The following ASTN2 variants were observed in gnomAD, a reference collection of about 807,000 sequenced individuals.
The protein encoded by ASTN2 is astrotactin 2.
In ASTN2, 54 loss-of-function variants were observed where a neutral mutation model predicts 139.8. The observed-to-expected ratio is 0.39, with a 90% CI of 0.31 to 0.48. The LOEUF (loss-of-function observed/expected upper bound fraction) is 0.48. ASTN2 is among the 20% of genes least tolerant of loss of function. ASTN2 has a pLI of 0.95. For synonymous variants in ASTN2, 756 were observed against 719.5 expected (o/e 1.05, Z -0.81); for missense variants, 1,565 against 1,725.1 (o/e 0.91, Z 1.64).
intron 20 of ASTN2, among the ~76,000 whole-genome samples, chr9:116,450,592 T>C (rs908582679): frequency 6.6e-6 from 1 of 152,044 alleles, no homozygotes; most frequent in African/African-American, 2.4e-5. Context: ...GACATGAGGG[T>C]ATTGGGCAAG....
intron 13 of ASTN2, among the ~76,000 whole-genome samples, chr9:116,738,497 TG>T (rs1174299350): frequency 6.6e-6 from 1 of 150,840 alleles, no homozygotes; most frequent in African/African-American, 2.4e-5. Context: ...AAAAAGACTA[TG>T]TGTTGGGTAC....
chr9:117,311,336 C>A (rs940006890), intron 1 of ASTN2, among the ~76,000 whole-genome samples: 1 of 152,096 alleles, frequency 6.6e-6, no homozygotes, highest in African/African-American at 2.4e-5. Context: ...CTCCGGCAGA[C>A]CCTGTTAGTG....
chr9:116,813,969 G>A (rs62575390), intron 12 of ASTN2, among the ~76,000 whole-genome samples: 3,625 of 151,550 alleles, frequency 0.024, 54 homozygotes, highest in Non-Finnish European at 0.035. Context: ...CCGGGAGGAG[G>A]TGGTTGCGGT....
intron 2 of ASTN2, among the ~76,000 whole-genome samples, chr9:117,280,065 T>C (rs1834289352): frequency 6.6e-6 from 1 of 152,230 alleles, no homozygotes; most frequent in African/African-American, 2.4e-5. Flanking sequence ...AATTACTGTT[T>C]TCCTTGTTGT....
intron 10 of ASTN2, among the ~76,000 whole-genome samples, chr9:116,916,521 C>A (rs1446130097): frequency 6.6e-6 from 1 of 152,136 alleles, no homozygotes; most frequent in African/African-American, 2.4e-5. Context: ...AACACCTGGA[C>A]CCTTTGGCCT....
At position 117,039,839 on chromosome 9, in the gene ASTN2, G is replaced by A; in HGVS notation, c.1403C>T (p.Pro468Leu). 6.2e-7 allele frequency: 1 copy of A among 1,613,490 alleles called. No homozygotes were observed. The highest frequency in any genetic ancestry group is 8.5e-7 in the Non-Finnish European group (1 of 1,179,780). ...CTTACCATCTGCTATGAAGTGCTCGGGCACATGCAGAGTCACCTTCACAGT... is the reference window on the plus strand; with the variant it reads ...CTTACCATCTGCTATGAAGTGCTCGAGCACATGCAGAGTCACCTTCACAGT... The part of the protein sequence containing the change: ...PLTVKVTLHV[P>L]EHFIADGSSF... Residue 468 changes from proline to leucine, a missense_variant, in exon 6 of 23, where the codon CCC (proline) becomes CTC (leucine). This residue lies in a region of ASTN2 where 503 missense variants were observed against 591.7 expected (regional missense o/e 0.85). Coordinates refer to ENST00000313400, the MANE Select transcript of ASTN2 (RefSeq NM_001365068.1).
intron 20 of ASTN2, among the ~76,000 whole-genome samples, chr9:116,452,505 A>G (rs1848205364): frequency 1.3e-5 from 2 of 152,216 alleles, no homozygotes; most frequent in East Asian, 1.9e-4. Context: ...TGCCTTAGAG[A>G]TTCCACACAC....
chr9:116,585,862 A>G (rs1367733030), intron 19 of ASTN2: 1 of 152,224 alleles, frequency 6.6e-6, no homozygotes, highest in Non-Finnish European at 1.5e-5. Flanking sequence ...AATTATCAAT[A>G]AACAGACAAC....
chr9:116,890,854 G>T (rs1833745808), intron 10 of ASTN2, among the ~76,000 whole-genome samples: 1 of 152,160 alleles, frequency 6.6e-6, no homozygotes, highest in Non-Finnish European at 1.5e-5. Context: ...TGAGGCAGCT[G>T]CTCACAGAAA....
intron 10 of ASTN2, among the ~76,000 whole-genome samples, chr9:116,946,560 G>C (rs757893730): frequency 4.6e-5 from 7 of 152,144 alleles, no homozygotes; most frequent in Non-Finnish European, 8.8e-5. Context: ...CTGAGTGTTA[G>C]AGCTGAGATA....
At chr9:116,528,207 G>A (rs1056278687) in intron 19 of ASTN2, among the ~76,000 whole-genome samples, 1 of 152,182 alleles carries the variant, frequency 6.6e-6, no homozygotes, top group African/African-American at 2.4e-5. Context: ...AGGAAGTCCA[G>A]GTTGAGGTGG....
intron 8 of ASTN2, 97 bp downstream of exon 8, chr9:116,976,604 T>A (rs1588453577): frequency 9.9e-7 from 1 of 1,010,596 alleles, no homozygotes; most frequent in East Asian, 2.4e-5. Flanking sequence ...AGAGAAAGAG[T>A]CCTCTTTGTG....
chr9:116,632,457 TA>T (rs1856854670), intron 17 of ASTN2, among the ~76,000 whole-genome samples: 1 of 151,994 alleles, frequency 6.6e-6, no homozygotes, highest in Non-Finnish European at 1.5e-5. Flanking sequence ...AGAAAAACAA[TA>T]AAACAACTAA....
intron 1 of ASTN2, among the ~76,000 whole-genome samples, chr9:117,374,611 A>G (rs914636901): frequency 1.3e-5 from 2 of 152,180 alleles, no homozygotes; most frequent in African/African-American, 4.8e-5. Flanking sequence ...ATTCAAATAC[A>G]AAAGAAGGCA....
chr9:117,205,941 C>T (rs1266369197), intron 3 of ASTN2, among the ~76,000 whole-genome samples: 1 of 152,166 alleles, frequency 6.6e-6, no homozygotes, highest in South Asian at 2.1e-4. Context: ...GTGCTTATGT[C>T]CAAATAATCA....
At position 116,948,698 on chromosome 9, in the gene ASTN2, AGTGTGTGTGTGT is replaced by A. The variant is rs112233837; in HGVS notation, c.1889+26498_1889+26509del. Among the ~76,000 whole-genome samples the A allele has an allele frequency of 4.4e-5, 6 of 135,346 alleles. No homozygotes were observed. The East Asian group carries it at 6.3e-4, about 14-fold the overall frequency. The allele number at this position is 135,346 out of a possible 152,430, so 88.8% of individuals were successfully genotyped here. The stretch of plus-strand genomic sequence containing the variant: ...AGATAGAGTTTGACTTATATGTGTG[AGTGTGTGTGTGT>A]GTGTGTGTGTGTGTGTGTGTAAGAG... On this transcript the variant is annotated intron_variant, in intron 10 of 22. Transcript: ENST00000313400.
intron 13 of ASTN2, among the ~76,000 whole-genome samples, chr9:116,749,755 C>T (rs1007874918): frequency 6.6e-6 from 1 of 152,192 alleles, no homozygotes; most frequent in Admixed American, 6.5e-5. Context: ...GATGGTTTAA[C>T]ACCATCCCGT....
At chr9:116,811,025 T>A (rs1156701233) in intron 12 of ASTN2, among the ~76,000 whole-genome samples, 1 of 152,194 alleles carries the variant, frequency 6.6e-6, no homozygotes, top group African/African-American at 2.4e-5. Context: ...ATCTTTTATG[T>A]TTCTATAGTT....
At chr9:117,346,973 T>C (rs1487117744) in intron 1 of ASTN2, among the ~76,000 whole-genome samples, 1 of 152,168 alleles carries the variant, frequency 6.6e-6, no homozygotes, top group East Asian at 1.9e-4. Flanking sequence ...ACATTCTTTT[T>C]TGTTAATTAT....
Sources: allele counts gnomAD v4.1 joint callset (sites outside exome capture counted in the v4.1 genomes callset), GRCh38; gene constraint gnomAD v4.1.1; regional missense constraint gnomAD v4.1.1; transcripts MANE v1.5; gene names NCBI Gene and HGNC (gene_info 2026-07-23, HGNC 2026-07-21).